The following FAF1 variants were observed in gnomAD, a reference collection of about 807,000 sequenced individuals.
The protein encoded by FAF1 is Fas associated factor 1.
FAF1 carries 25 observed loss-of-function variants against 92.5 expected under a neutral mutation model. The observed-to-expected ratio is 0.27, with a 90% CI of 0.20 to 0.38. The LOEUF is 0.38. FAF1 is among the 10% of genes least tolerant of loss of function. FAF1 has a pLI of 1.00. For missense variants in FAF1, 636 were observed against 793.3 expected, an observed-to-expected ratio of 0.80 and a Z score of 2.38; for synonymous variants, 234 against 273.2, an observed-to-expected ratio of 0.86 and a Z score of 1.42.
intron 15 of FAF1, among the ~76,000 whole-genome samples, chr1:50,527,852 C>CTCTCTCTCTCTCTCTCTCT (rs1647907749): frequency 1.2e-5 from 1 of 80,612 alleles, no homozygotes; most frequent in Admixed American, 1.2e-4. Context: ...TCCCTCTCTC[C>CTCTCTCTCTCTCTCTCTCT]CTCTCTCCCT....
intron 7 of FAF1, among the ~76,000 whole-genome samples, chr1:50,698,534 GA>G (rs1343279384): frequency 6.6e-6 from 1 of 152,084 alleles, no homozygotes; most frequent in Non-Finnish European, 1.5e-5. Flanking sequence ...CTACAAGAAA[GA>G]AATCTAGTAC....
intron 6 of FAF1, among the ~76,000 whole-genome samples, chr1:50,715,383 C>T (rs1191781151): frequency 1.3e-5 from 2 of 152,138 alleles, no homozygotes; most frequent in Non-Finnish European, 2.9e-5. Flanking sequence ...AGGAGAACTG[C>T]TTGAGCTCAG....
chr1:50,739,271 T>C (rs111238328), intron 5 of FAF1, among the ~76,000 whole-genome samples: 3,116 of 139,288 alleles, frequency 0.022, 77 homozygotes, highest in African/African-American at 0.061. Context: ...CATGTGTACA[T>C]GTGCATACAT....
At chr1:50,681,825 G>T (rs1022210787) in intron 7 of FAF1, among the ~76,000 whole-genome samples, 3 of 149,632 alleles carry the variant, frequency 2.0e-5, no homozygotes, top group Non-Finnish European at 3.0e-5. Flanking sequence ...GGCCTCTTTT[G>T]TTTTTTTTGG....
chr1:50,493,124 C>T (rs1646860009), intron 15 of FAF1, among the ~76,000 whole-genome samples: 1 of 151,496 alleles, frequency 6.6e-6, no homozygotes, highest in Non-Finnish European at 1.5e-5. Flanking sequence ...CTTCAGCCTC[C>T]TGGGTTCAAG....
chr1:50,469,054 T>C (rs1646536688), intron 18 of FAF1, among the ~76,000 whole-genome samples: 1 of 152,254 alleles, frequency 6.6e-6, no homozygotes, highest in African/African-American at 2.4e-5. Context: ...TAGACCTATT[T>C]AAGCAGCAGC....
At chr1:50,870,283 C>A (rs1050823246) in intron 1 of FAF1, among the ~76,000 whole-genome samples, 1 of 152,152 alleles carries the variant, frequency 6.6e-6, no homozygotes, top group Non-Finnish European at 1.5e-5. Context: ...ACAGTGAAAC[C>A]CCGTCTCTAC....
intron 4 of FAF1, among the ~76,000 whole-genome samples, chr1:50,748,252 T>A (rs556811487): frequency 6.6e-6 from 1 of 152,108 alleles, no homozygotes; most frequent in Non-Finnish European, 1.5e-5. Flanking sequence ...TCCCAGCACT[T>A]TGGGAGGCCA....
chr1:50,927,100 G>A (rs1243608061), intron 1 of FAF1, among the ~76,000 whole-genome samples: 2 of 152,192 alleles, frequency 1.3e-5, no homozygotes, highest in African/African-American at 4.8e-5. Flanking sequence ...TTTAGAAGCA[G>A]AAAGGGGAAT....
intron 2 of FAF1, among the ~76,000 whole-genome samples, chr1:50,830,904 A>T (rs753791635): frequency 6.6e-6 from 1 of 152,206 alleles, no homozygotes; most frequent in Non-Finnish European, 1.5e-5. Flanking sequence ...GAAGAAAAAA[A>T]CTTGAAAACC....
At chr1:50,620,031 C>T (rs535959293) in intron 8 of FAF1, among the ~76,000 whole-genome samples, 20 of 151,900 alleles carry the variant, frequency 1.3e-4, no homozygotes, top group Non-Finnish European at 2.1e-4. Context: ...GCCTCAACTT[C>T]CCAAGTAGCT....
rs1644313257 is a variant in FAF1 at position 50,847,617 on chromosome 1, A to C, written c.114+10312T>G. ...TAGAACAAAAAACAAACTATTTAATATATGCATAGTCAGAATCTTAGAAAG... is the reference window on the plus strand; with the variant it reads ...TAGAACAAAAAACAAACTATTTAATCTATGCATAGTCAGAATCTTAGAAAG... On this transcript the variant is annotated intron_variant, in intron 2 of 18. Coordinates refer to ENST00000396153, the MANE Select transcript of FAF1 (RefSeq NM_007051.3). Among the ~76,000 whole-genome samples, 4 of 152,116 alleles carry C rather than the reference A, an allele frequency of 2.6e-5. No individual in the cohort carries two copies. The South Asian group carries it at 8.3e-4, about 32-fold the overall frequency.
intron 8 of FAF1, among the ~76,000 whole-genome samples, chr1:50,627,884 G>A (rs1413021211): frequency 6.6e-6 from 1 of 152,010 alleles, no homozygotes; most frequent in Non-Finnish European, 1.5e-5. Flanking sequence ...AAGACTGAAA[G>A]TCTACTTGAT....
At chr1:50,863,427 T>C (rs545649793) in intron 1 of FAF1, among the ~76,000 whole-genome samples, 5 of 151,720 alleles carry the variant, frequency 3.3e-5, no homozygotes, top group South Asian at 2.1e-4. Flanking sequence ...AGAGCACAAA[T>C]AGACAATCTA....
At chr1:50,472,737 T>C (rs968861775) in intron 18 of FAF1, among the ~76,000 whole-genome samples, 1 of 152,204 alleles carries the variant, frequency 6.6e-6, no homozygotes, top group Non-Finnish European at 1.5e-5. Context: ...TTATTTGTTA[T>C]TAAAGAGGCA....
intron 15 of FAF1, among the ~76,000 whole-genome samples, chr1:50,508,342 C>T (rs59020486): frequency 0.056 from 8,471 of 152,202 alleles, 789 homozygotes; most frequent in African/African-American, 0.19. Context: ...TCTGAATGTC[C>T]AGCTACAGAT....
intron 6 of FAF1, among the ~76,000 whole-genome samples, chr1:50,718,089 G>A (rs1364659318): frequency 2.0e-5 from 3 of 151,654 alleles, no homozygotes; most frequent in Admixed American, 6.6e-5. Context: ...GTGTGGTCTC[G>A]ACTCACTGCA....
At chr1:50,534,554 G>A (rs973979967) in intron 15 of FAF1, among the ~76,000 whole-genome samples, 1 of 152,150 alleles carries the variant, frequency 6.6e-6, no homozygotes, top group Non-Finnish European at 1.5e-5. Context: ...GATTACAGGT[G>A]TGAGCCCCTG....
intron 1 of FAF1, among the ~76,000 whole-genome samples, chr1:50,862,505 G>A (rs532441563): frequency 5.9e-5 from 9 of 151,878 alleles, no homozygotes; most frequent in East Asian, 5.8e-4. Context: ...ATAAGATCTC[G>A]TATTTGTTAG....
Sources: allele counts gnomAD v4.1 joint callset (sites outside exome capture counted in the v4.1 genomes callset), GRCh38; gene constraint gnomAD v4.1.1; transcripts MANE v1.5; gene names NCBI Gene and HGNC (gene_info 2026-07-23, HGNC 2026-07-21).